Variants in CNTNAP1 observed in about 807,000 individuals in gnomAD.
CNTNAP1 encodes the protein contactin-associated protein 1.
In CNTNAP1, 80 loss-of-function variants were observed where a neutral mutation model predicts 161.5. That is an observed-to-expected ratio of 0.50 (90% CI 0.41 to 0.60). The LOEUF (loss-of-function observed/expected upper bound fraction) is 0.60, where lower values mean the gene tolerates loss of function less well. CNTNAP1 is among the 20% of genes least tolerant of loss of function. The pLI is 0.00. For synonymous variants in CNTNAP1, 695 were observed against 733.1 expected, an observed-to-expected ratio of 0.95 and a Z score of 0.84; for missense variants, 1,464 against 1,854.8, an observed-to-expected ratio of 0.79 and a Z score of 3.87.
At position 42,684,188 on chromosome 17, in the gene CNTNAP1, G is replaced by A; in HGVS notation, c.322G>A (p.Val108Met). The change falls in exon 3 of 24, where the codon GTG (valine) becomes ATG (methionine). Residue 108 changes from valine (V) to methionine (M), a missense_variant. Physicochemically the swap from Val to Met is conservative, Grantham distance 21. This residue lies in a region of CNTNAP1 where 1,383 missense variants were observed against 1,765.0 expected (regional missense o/e 0.78). Transcript: ENST00000264638. Reference protein sequence around the residue: ...TRYMLLYGDRVDSWTPFYQRG... With the variant: ...TRYMLLYGDRMDSWTPFYQRG... ...TTACATGCTACTCTACGGCGACCGAGTGGACAGCTGGACACCGTTCTACCA... is the reference window on the plus strand; with the variant it reads ...TTACATGCTACTCTACGGCGACCGAATGGACAGCTGGACACCGTTCTACCA... 3.1e-6 allele frequency: 5 copies of A among 1,614,144 alleles called. No individual in the cohort carries two copies. The highest frequency in any genetic ancestry group is 4.2e-6 in the Non-Finnish European group (5 of 1,180,030).
rs182868996 is a variant in CNTNAP1, at chr17:42,693,508, G to A, written c.2964G>A (p.Thr988=). The part of the protein sequence containing the change: ...YSYYTCDCDL[T]AFDGPYCNHD... Reference sequence around the variant, plus strand: ...ACTACACGTGTGACTGTGACCTCACGGCTTTTGATGGGCCATACTGCAACC... The same window carrying A: ...ACTACACGTGTGACTGTGACCTCACAGCTTTTGATGGGCCATACTGCAACC... Residue 988 remains threonine, a synonymous_variant, in exon 18 of 24, where the codon ACG becomes ACA. Coordinates refer to ENST00000264638, the MANE Select transcript of CNTNAP1 (RefSeq NM_003632.3). 5.6e-5 allele frequency: 90 copies of A among 1,614,068 alleles called. No individual in the cohort carries two copies. In the Admixed American group the frequency reaches 7.3e-4, roughly 13 times the overall value.
Position 42,684,046 on chromosome 17 carries a change from G to A in CNTNAP1, c.180G>A (p.Gly60=), listed in dbSNP as rs1197850269. ...CTGTCCTTTCTATAGGCATAAGCGG[G>A]TGGTCACCACGGATTGGGGATCCGA... is the stretch of plus-strand genomic sequence containing the variant. ...PRFARLHGIS[G]WSPRIGDPNP... is the part of the protein sequence containing the mutation. Residue 60 remains glycine (G), a synonymous_variant, in exon 3 of 24, where the codon GGG becomes GGA. Transcript: ENST00000264638. 1 of 1,614,202 alleles carries A rather than the reference G, an allele frequency of 6.2e-7. No individual in the cohort carries two copies. The highest frequency in any genetic ancestry group is 8.5e-7 in the Non-Finnish European group (1 of 1,180,014).
chr17:42,690,637 G>C (rs866098288), intron 12 of CNTNAP1, 102 bp from the exon 13 acceptor site: 1 of 1,206,970 alleles, frequency 8.3e-7, no homozygotes, highest in African/African-American at 1.5e-5. Context: ...TGCTGGCCAC[G>C]TTCAGTGGCT....
At chr17:42,698,482 C>A in intron 23 of CNTNAP1, 136 bp from the exon 24 acceptor site, 8 of 487,806 alleles carry the variant, frequency 1.6e-5, no homozygotes, top group Non-Finnish European at 2.4e-5. Context: ...TGTGTGTGTG[C>A]AGGTGAAATC....
In CNTNAP1 at chr17:42,699,014, C is replaced by T; in HGVS notation, c.*104C>T. Reference sequence around the variant, plus strand: ...TTGGCTCCTCTTAGCTGGCTCTGCTCATCCAGAGGATATTCCCCCATCCCC... The same window carrying T: ...TTGGCTCCTCTTAGCTGGCTCTGCTTATCCAGAGGATATTCCCCCATCCCC... On this transcript the variant is annotated 3_prime_UTR_variant, in exon 24 of 24. Coordinates refer to ENST00000264638, the MANE Select transcript of CNTNAP1 (RefSeq NM_003632.3). 9.8e-7 allele frequency: 1 copy of T among 1,016,406 alleles called. No homozygotes were observed. 63.0% of individuals were successfully genotyped at this position (1,016,406 alleles called of 1,614,324 possible).
intron 18 of CNTNAP1, among the ~76,000 whole-genome samples, chr17:42,693,858 C>CA (rs2053122689): frequency 1.3e-5 from 2 of 151,400 alleles, no homozygotes; most frequent in South Asian, 2.1e-4. Flanking sequence ...CCTGTCTCTA[C>CA]AAAAAAAATT....
intron 20 of CNTNAP1, among the ~76,000 whole-genome samples, chr17:42,696,614 C>T (rs1029557368): frequency 5.9e-5 from 9 of 152,116 alleles, no homozygotes; most frequent in East Asian, 1.9e-4. Flanking sequence ...TGAGCCACCG[C>T]GCCCAGCCAG....
rs1476936607 is a variant in CNTNAP1, at chr17:42,685,874, A to C, written c.716-83A>C. 6.9e-7 allele frequency: 1 copy of C among 1,452,598 alleles called. No individual in the cohort carries two copies. Among genetic ancestry groups the C allele is most frequent in the Non-Finnish European group, 9.4e-7 (1 of 1,058,452 alleles). 90.0% of individuals were successfully genotyped at this position (1,452,598 alleles called of 1,614,324 possible). A position where few individuals can be genotyped will look rare whatever the true frequency, so the allele number is the denominator to read the frequency against. On this transcript the variant is annotated intron_variant, in intron 5 of 23. Transcript: ENST00000264638. This position sits in a 1 kb window ranked among gnomAD's most constrained non-coding sequence, Gnocchi z 5.0. ...CTCCCTGATTGCCCTGGGCTTTGTTACACGCTGCTGCTCTGCCTAGGAGCT... is the reference window on the plus strand; with the variant it reads ...CTCCCTGATTGCCCTGGGCTTTGTTCCACGCTGCTGCTCTGCCTAGGAGCT...
intron 11 of CNTNAP1, 29 bp downstream of exon 11, chr17:42,689,656 AG>A (rs1239123472): frequency 1.3e-6 from 2 of 1,572,256 alleles, no homozygotes; most frequent in African/African-American, 2.7e-5. Context: ...GGGGGGAGTC[AG>A]GGACAAGGGA....
chr17:42,695,473 G>A, intron 18 of CNTNAP1, 48 bp from the exon 19 acceptor site: 1 of 1,412,414 alleles, frequency 7.1e-7, no homozygotes, highest in Non-Finnish European at 9.8e-7. Context: ...CCTCTGAATT[G>A]GGGAGTGAGC....
At position 42,691,837 on chromosome 17, in the gene CNTNAP1, C is replaced by T. The variant is rs751141752; in HGVS notation, c.2376C>T (p.Thr792=). 15 of 1,613,960 alleles carry T rather than the reference C, an allele frequency of 9.3e-6. No individual in the cohort carries two copies. The highest frequency in any genetic ancestry group is 2.7e-5 in the African/African-American group (2 of 74,886). Residue 792 remains threonine, a synonymous_variant, in exon 16 of 24, where the codon ACC becomes ACT. Coordinates refer to ENST00000264638, the MANE Select transcript of CNTNAP1 (RefSeq NM_003632.3). This position sits in a 1 kb window ranked among gnomAD's most constrained non-coding sequence, Gnocchi z 4.3. The part of the protein sequence containing the change: ...RNSWNTISFH[T]GAALRFPPIR... Reference sequence around the variant, plus strand: ...CCTGGAACACCATTTCCTTCCACACCGGGGCTGCACTACGCTTCCCCCCAA... The same window carrying T: ...CCTGGAACACCATTTCCTTCCACACTGGGGCTGCACTACGCTTCCCCCCAA...
At chr17:42,698,594 A>T in intron 23 of CNTNAP1, 24 bp from the exon 24 acceptor site, 1 of 1,560,052 alleles carries the variant, frequency 6.4e-7, no homozygotes. Context: ...CAAAGATCTG[A>T]ATTGTCCCTT....
rs1419934605 is a variant in CNTNAP1 at position 42,699,736 on chromosome 17, G to A, written c.*826G>A. Reference sequence around the variant, plus strand: ...CTTTATATATATTTTTTGTTGCAAAGTGTCTCTCTAGAGAAACTCTATATA... The same window carrying A: ...CTTTATATATATTTTTTGTTGCAAAATGTCTCTCTAGAGAAACTCTATATA... On this transcript the variant is annotated 3_prime_UTR_variant, in exon 24 of 24. Transcript: ENST00000264638. The A allele has an allele frequency of 6.6e-6, 1 of 152,652 alleles. No homozygotes were observed. Among genetic ancestry groups the A allele is most frequent in the Non-Finnish European group, 1.5e-5 (1 of 68,046 alleles). The allele number at this position is 152,652 out of a possible 1,614,324, so 9.5% of individuals were successfully genotyped here. A position where few individuals can be genotyped will look rare whatever the true frequency, so the allele number is the denominator to read the frequency against.
intron 19 of CNTNAP1, 36 bp from the exon 20 acceptor site, chr17:42,695,989 G>C: frequency 6.2e-7 from 1 of 1,610,960 alleles, no homozygotes; most frequent in South Asian, 1.1e-5. Flanking sequence ...GAGTCATGGG[G>C]CCTGAGACCC....
chr17:42,688,045 T>C lies in CNTNAP1; in HGVS notation c.1306+64T>C, dbSNP rs1248294122. 2.5e-6 allele frequency: 4 copies of C among 1,569,964 alleles called. No individual in the cohort carries two copies. In the East Asian group the frequency reaches 6.7e-5, roughly 26 times the overall value. On this transcript the variant is annotated intron_variant, in intron 8 of 23. Coordinates refer to ENST00000264638, the MANE Select transcript of CNTNAP1 (RefSeq NM_003632.3). ...AGTGTAGAGGATCCCAGGAAAGTTGTAGGCCTGGACTGAGGCCTTTACATT... is the reference window on the plus strand; with the variant it reads ...AGTGTAGAGGATCCCAGGAAAGTTGCAGGCCTGGACTGAGGCCTTTACATT...
At chr17:42,693,011 C>T (rs1010233936) in intron 17 of CNTNAP1, among the ~76,000 whole-genome samples, 2 of 149,018 alleles carry the variant, frequency 1.3e-5, no homozygotes, top group African/African-American at 5.0e-5. Context: ...GGCTGGAGTG[C>T]AGTGGCACGA....
rs2053191249 is a variant in CNTNAP1 at position 42,698,948 on chromosome 17, A to T, written c.*38A>T. ...TCTGGGACCAATTCCAGCTCCTGAC[A>T]TTCCCCCAGTCCTGCCTCTCCCCCA... On this transcript the variant is annotated 3_prime_UTR_variant, in exon 24 of 24. Transcript: ENST00000264638. The T allele has an allele frequency of 6.8e-7, 1 of 1,477,386 alleles. No individual in the cohort carries two copies. Among genetic ancestry groups the T allele is most frequent in the Non-Finnish European group, 8.9e-7 (1 of 1,119,230 alleles). 91.5% of individuals were successfully genotyped at this position (1,477,386 alleles called of 1,614,324 possible).
Position 42,695,751 on chromosome 17 carries a change from C to T in CNTNAP1, c.3223C>T (p.Pro1075Ser). Residue 1075 changes from proline to serine, a missense_variant, in exon 19 of 24, where the codon CCT becomes TCT. Pro to Ser is a moderately conservative substitution (Grantham distance 74, BLOSUM62 -1). Around this residue, in one of 3 missense-constraint regions of CNTNAP1, gnomAD observed 1,383 missense variants for 1,765.0 expected, o/e 0.78. Coordinates refer to ENST00000264638, the MANE Select transcript of CNTNAP1 (RefSeq NM_003632.3). ...TCGGCCTGTGCCCGGTTACCGTGGG[C>T]CTGTCTACAACGTTACGGGAGAGGA... ...PGRPVPGYRGPVYNVTGEEVS... is the reference protein window; with the variant it reads ...PGRPVPGYRGSVYNVTGEEVS... The T allele has an allele frequency of 6.2e-7, 1 of 1,614,230 alleles. No homozygotes were observed. Among genetic ancestry groups the T allele is most frequent in the Non-Finnish European group, 8.5e-7 (1 of 1,180,046 alleles).
intron 6 of CNTNAP1, 116 bp from the exon 7 acceptor site, chr17:42,686,786 GT>G: frequency 8.0e-7 from 1 of 1,252,538 alleles, no homozygotes; most frequent in Non-Finnish European, 1.1e-6. Flanking sequence ...GGAAATGTGT[GT>G]TTTAAGTCTT....
Sources: allele counts gnomAD v4.1 joint callset (sites outside exome capture counted in the v4.1 genomes callset), GRCh38; gene constraint gnomAD v4.1.1; regional missense constraint gnomAD v4.1.1; non-coding constraint Gnocchi (gnomAD v3.1); transcripts MANE v1.5; gene names NCBI Gene and HGNC (gene_info 2026-07-23, HGNC 2026-07-21).